Variants in EIF2AK4 observed in about 807,000 individuals in gnomAD.
EIF2AK4 encodes eukaryotic translation initiation factor 2 alpha kinase 4, also known as eIF-2-alpha kinase GCN2.
In EIF2AK4, 139 loss-of-function variants were observed where a neutral mutation model predicts 211.1. That is an observed-to-expected ratio of 0.66 (90% CI 0.57 to 0.76). EIF2AK4 has a LOEUF of 0.76. Among genes scored for constraint, EIF2AK4 ranks in the 30% least tolerant of loss-of-function variants. The pLI, the probability that EIF2AK4 is intolerant of heterozygous loss-of-function variation, is 0.00. For synonymous variants in EIF2AK4, 710 were observed against 751.3 expected, an observed-to-expected ratio of 0.94 and a Z score of 0.90; for missense variants, 1,664 against 2,043.8, an observed-to-expected ratio of 0.81 and a Z score of 3.58.
chr15:39,963,039 CA>C (rs1237976606), intron 7 of EIF2AK4, among the ~76,000 whole-genome samples: 1 of 152,120 alleles, frequency 6.6e-6, no homozygotes, highest in African/African-American at 2.4e-5. Context: ...TACAAATAAG[CA>C]AAAGAGTTGC....
chr15:39,973,183 C>A (rs2034648193), intron 10 of EIF2AK4, among the ~76,000 whole-genome samples, 169 bp downstream of exon 10: 1 of 152,098 alleles, frequency 6.6e-6, no homozygotes, highest in Non-Finnish European at 1.5e-5. Context: ...GTTTTGCCAC[C>A]CTGATTTTTC....
At position 40,029,402 on chromosome 15, in the gene EIF2AK4, T is replaced by C; in HGVS notation, c.4503-4T>C. On this transcript the variant is annotated splice_polypyrimidine_tract_variant and splice_region_variant and intron_variant, in intron 33 of 38. Transcript: ENST00000263791. The stretch of plus-strand genomic sequence containing the variant: ...TTTAATTGTTTTTGTTTGCTTGTTT[T>C]TAGAGAAGCTTCCGATAATCTTGCA... The C allele has an allele frequency of 1.9e-6, 3 of 1,612,750 alleles. No individual in the cohort carries two copies. Among genetic ancestry groups the C allele is most frequent in the Non-Finnish European group, 2.5e-6 (3 of 1,179,812 alleles).
At chr15:39,995,152 A>AT (rs562013557) in intron 18 of EIF2AK4, among the ~76,000 whole-genome samples, 46 of 152,182 alleles carry the variant, frequency 3.0e-4, no homozygotes, top group African/African-American at 1.0e-3. Flanking sequence ...GTATATACAT[A>AT]TTTTTTTAAA....
At chr15:40,001,516 G>A (rs1308671494) in intron 21 of EIF2AK4, among the ~76,000 whole-genome samples, 3 of 151,606 alleles carry the variant, frequency 2.0e-5, no homozygotes, top group Non-Finnish European at 2.9e-5. Context: ...TGTAATCCCA[G>A]CTACCCGGGA....
intron 38 of EIF2AK4, among the ~76,000 whole-genome samples, 165 bp downstream of exon 38, chr15:40,034,609 T>G (rs1209405581): frequency 6.6e-6 from 1 of 152,160 alleles, no homozygotes; most frequent in Non-Finnish European, 1.5e-5. Context: ...TGAATCACAG[T>G]CATGATCTCA....
chr15:40,029,660 G>A (rs2035512421), intron 34 of EIF2AK4, among the ~76,000 whole-genome samples, 196 bp downstream of exon 34: 1 of 152,196 alleles, frequency 6.6e-6, no homozygotes, highest in African/African-American at 2.4e-5. Context: ...CTGGAATTTA[G>A]CTGACTCTTC....
rs991434402 is a variant in EIF2AK4 at position 40,025,466 on chromosome 15, G to A, written c.4390-511G>A. On this transcript the variant is annotated intron_variant, in intron 32 of 38. Transcript: ENST00000263791. Reference sequence around the variant, plus strand: ...TAGCCTAGGCCAAGGTTGGGTGCTGGCCAGGGGAGTGAAGATGAAGGGACA... The same window carrying A: ...TAGCCTAGGCCAAGGTTGGGTGCTGACCAGGGGAGTGAAGATGAAGGGACA... 3.4e-4 allele frequency among the ~76,000 whole-genome samples: 52 copies of A among 152,156 alleles called. 1 individual carries two copies. Among genetic ancestry groups the A allele is most frequent in the Admixed American group, 6.5e-5 (1 of 15,282 alleles).
At chr15:40,026,521 T>G (rs974883742) in intron 33 of EIF2AK4, among the ~76,000 whole-genome samples, 7 of 152,228 alleles carry the variant, frequency 4.6e-5, no homozygotes, top group Non-Finnish European at 1.0e-4. Flanking sequence ...AGGATTACTT[T>G]TAATGAACCA....
intron 32 of EIF2AK4, among the ~76,000 whole-genome samples, chr15:40,023,534 A>G (rs192667540): frequency 1.3e-5 from 2 of 152,296 alleles, no homozygotes; most frequent in East Asian, 3.9e-4. Context: ...GGTAGTTTAT[A>G]TCTTTCCCGG....
chr15:39,988,160 T>G, intron 15 of EIF2AK4, 55 bp downstream of exon 15: 1 of 1,582,338 alleles, frequency 6.3e-7, no homozygotes, highest in Non-Finnish European at 8.7e-7. Context: ...AATTTATGAC[T>G]GCATAAAAAT....
chr15:39,960,425 G>C (rs576862704), intron 6 of EIF2AK4, among the ~76,000 whole-genome samples: 1 of 152,096 alleles, frequency 6.6e-6, no homozygotes, highest in Admixed American at 6.5e-5. Flanking sequence ...AGCCCAAGGA[G>C]ACTCACAGGT....
At position 40,028,231 on chromosome 15, in the gene EIF2AK4, TC is replaced by T. The variant is rs2035491750; in HGVS notation, c.4503-1173del. ...GGGACCGTAGTCATGTACCACCTTG[TC>T]CAGCTAATTTTTTTAAATTATTTGT... On this transcript the variant is annotated intron_variant, in intron 33 of 38. Transcript: ENST00000263791. Among the ~76,000 whole-genome samples, 3 of 152,092 alleles carry T rather than the reference TC, an allele frequency of 2.0e-5. No individual in the cohort carries two copies. The South Asian group carries it at 6.2e-4, about 32-fold the overall frequency.
At chr15:39,984,614 A>G (rs1393902094) in intron 13 of EIF2AK4, among the ~76,000 whole-genome samples, 1 of 152,208 alleles carries the variant, frequency 6.6e-6, no homozygotes, top group East Asian at 1.9e-4. Flanking sequence ...CTTTACAGCA[A>G]TTGTGAATGG....
chr15:39,985,964 A>G, intron 14 of EIF2AK4, 76 bp downstream of exon 14: 1 of 1,317,228 alleles, frequency 7.6e-7, no homozygotes, highest in South Asian at 1.3e-5. Flanking sequence ...GGGTATTAGA[A>G]CAAGATAATG....
In EIF2AK4 at chr15:39,997,309, A is replaced by G. The variant is rs555270016; in HGVS notation, c.2868+244A>G. On this transcript the variant is annotated intron_variant, in intron 19 of 38. Coordinates refer to ENST00000263791, the MANE Select transcript of EIF2AK4 (RefSeq NM_001013703.4). ...CTTAAAATAGCAGTTTTGGGAGCCA[A>G]AGATCATCAGCATGTAGGAGGGATC... Among the ~76,000 whole-genome samples the G allele has an allele frequency of 3.5e-4, 53 of 152,332 alleles. 1 individual carries two copies. The highest frequency in any genetic ancestry group is 1.5e-3 in the South Asian group (7 of 4,824).
At position 39,997,099 on chromosome 15, in the gene EIF2AK4, A is replaced by G. The variant is rs376991760; in HGVS notation, c.2868+34A>G. 4.2e-5 allele frequency: 60 copies of G among 1,416,854 alleles called. No individual in the cohort carries two copies. The African/African-American group carries it at 7.7e-4, about 18-fold the overall frequency. The allele number at this position is 1,416,854 out of a possible 1,614,324, so 87.8% of individuals were successfully genotyped here. ...CAGGTGTTTTAGTGCCTACATTTTC[A>G]GTAACCGGAATCTTAGCACAGAGAT... On this transcript the variant is annotated intron_variant, in intron 19 of 38. Transcript: ENST00000263791.
rs756742009 is a variant in EIF2AK4, at chr15:39,990,389, A to G, written c.2631+12A>G. ...ATCTAGCCTTTTCTGTAAGTATTTTAAAAATTAGACTGTACCTAAAAACAG... is the reference window on the plus strand; with the variant it reads ...ATCTAGCCTTTTCTGTAAGTATTTTGAAAATTAGACTGTACCTAAAAACAG... On this transcript the variant is annotated intron_variant, in intron 16 of 38. Transcript: ENST00000263791. 2 of 1,607,860 alleles carry G rather than the reference A, an allele frequency of 1.2e-6. No homozygotes were observed. Among genetic ancestry groups the G allele is most frequent in the South Asian group, 1.1e-5 (1 of 90,866 alleles).
In EIF2AK4 at chr15:40,008,185, C is replaced by T; in HGVS notation, c.3566C>T (p.Pro1189Leu). ...YTIYEIIQEF[P>L]ALQERNYSIY... ...ATCTATGAAATCATCCAAGAGTTTC[C>T]AGCACTTCAGGTTCCTTTCCATATT... Residue 1189 changes from proline (P) to leucine (L), a missense_variant, in exon 25 of 39, where the codon CCA becomes CTA. Physicochemically the swap from Pro to Leu is moderately conservative, Grantham distance 98. This residue lies in a region of EIF2AK4 where 622 missense variants were observed against 796.8 expected (regional missense o/e 0.78). Coordinates refer to ENST00000263791, the MANE Select transcript of EIF2AK4 (RefSeq NM_001013703.4). The T allele has an allele frequency of 6.3e-7, 1 of 1,598,690 alleles. No homozygotes were observed. Among genetic ancestry groups the T allele is most frequent in the South Asian group, 1.1e-5 (1 of 87,572 alleles).
intron 12 of EIF2AK4, 148 bp from the exon 13 acceptor site, chr15:39,977,930 T>C (rs1192096440): frequency 6.9e-6 from 3 of 433,576 alleles, no homozygotes; most frequent in Non-Finnish European, 1.2e-5. Context: ...CAAGTACAAA[T>C]CAGCACAGTG....
Sources: allele counts gnomAD v4.1 joint callset (sites outside exome capture counted in the v4.1 genomes callset), GRCh38; gene constraint gnomAD v4.1.1; regional missense constraint gnomAD v4.1.1; transcripts MANE v1.5; gene names NCBI Gene and HGNC (gene_info 2026-07-23, HGNC 2026-07-21).